Variants in IL1A observed in about 807,000 individuals in gnomAD.
IL1A encodes interleukin 1 alpha, also known as interleukin-1 alpha.
Under a neutral mutation model 22.2 loss-of-function variants are expected in IL1A, and 16 were observed. The ratio of observed to expected loss-of-function variants is 0.72; its 90% CI spans 0.49 to 1.09. The LOEUF is 1.09. Among genes scored for constraint, IL1A ranks in the 50% least tolerant of loss-of-function variants. IL1A has a pLI of 0.00. For missense variants in IL1A, 317 were observed against 321.8 expected (o/e 0.99, Z 0.11); for synonymous variants, 113 against 118.5 (o/e 0.95, Z 0.30).
At chr2:112,782,127 C>G (rs1681219770) in intron 3 of IL1A, among the ~76,000 whole-genome samples, 1 of 152,100 alleles carries the variant, frequency 6.6e-6, no homozygotes, top group South Asian at 2.1e-4. Flanking sequence ...CAATTAGTTC[C>G]CTCTCAGGAG....
At chr2:112,779,402 GTA>G in intron 5 of IL1A, 92 bp downstream of exon 5, 3 of 1,023,334 alleles carry the variant, frequency 2.9e-6, no homozygotes, top group South Asian at 1.8e-5. Context: ...CTCTGAAGAG[GTA>G]TGTTTTTTGC....
intron 6 of IL1A, 40 bp downstream of exon 6, chr2:112,777,947 G>A (rs2104907124): frequency 6.2e-7 from 1 of 1,607,478 alleles, no homozygotes; most frequent in East Asian, 2.2e-5. Context: ...AAACATATGA[G>A]ATGTAAATGA....
chr2:112,782,827 A>G, intron 2 of IL1A, 63 bp from the exon 3 acceptor site: 1 of 1,197,522 alleles, frequency 8.4e-7, no homozygotes, highest in Non-Finnish European at 1.2e-6. Flanking sequence ...TGGCCAATGT[A>G]CTTTAATGAC....
At chr2:112,782,285 T>G (rs1681223053) in intron 3 of IL1A, among the ~76,000 whole-genome samples, 1 of 152,236 alleles carries the variant, frequency 6.6e-6, no homozygotes, top group Non-Finnish European at 1.5e-5. Flanking sequence ...GATGAGTGGC[T>G]GTAGACTTCT....
At chr2:112,775,336 T>A in intron 6 of IL1A, 69 bp from the exon 7 acceptor site, 1 of 1,283,398 alleles carries the variant, frequency 7.8e-7, no homozygotes, top group Non-Finnish European at 1.1e-6. Context: ...CTCAATCCCT[T>A]AGCATTTGGC....
chr2:112,777,871 C>T, intron 6 of IL1A, 116 bp downstream of exon 6: 1 of 1,048,096 alleles, frequency 9.5e-7, no homozygotes, highest in Non-Finnish European at 1.4e-6. Context: ...CAGGTGGGGG[C>T]TGTGGTAGGA....
intron 6 of IL1A, among the ~76,000 whole-genome samples, chr2:112,777,375 T>G (rs543360665): frequency 6.6e-6 from 1 of 152,320 alleles, no homozygotes; most frequent in African/African-American, 2.4e-5. Context: ...TACTTGGGAA[T>G]AGAAGGTCTT....
At chr2:112,779,384 AC>A in intron 5 of IL1A, 111 bp downstream of exon 5, 1 of 862,164 alleles carries the variant, frequency 1.2e-6, no homozygotes, top group Non-Finnish European at 1.7e-6. Flanking sequence ...GAATTGTGCA[AC>A]CCAGAACTCT....
At chr2:112,783,698 C>T in intron 2 of IL1A, 26 bp downstream of exon 2, 1 of 1,599,798 alleles carries the variant, frequency 6.3e-7, no homozygotes, top group Non-Finnish European at 8.6e-7. Flanking sequence ...CTCATTAAAT[C>T]ACAAGAGATA....
intron 4 of IL1A, among the ~76,000 whole-genome samples, chr2:112,781,195 C>T (rs1217164273): frequency 6.6e-6 from 1 of 152,110 alleles, no homozygotes; most frequent in Non-Finnish European, 1.5e-5. Flanking sequence ...GACTCTTAAT[C>T]TTTACAGCAG....
At chr2:112,775,722 A>C (rs748444911) in intron 6 of IL1A, among the ~76,000 whole-genome samples, 2 of 152,172 alleles carry the variant, frequency 1.3e-5, no homozygotes, top group African/African-American at 4.8e-5. Flanking sequence ...CATTTATCTC[A>C]GTATTTAAGT....
chr2:112,779,536 C>T lies in IL1A; in HGVS notation c.450G>A (p.Gln150=). ...LNQSIIRAND[Q]YLTAAALHNL... is the part of the protein sequence containing the mutation. ...TATGTAATGCAGCAGCCGTGAGGTA[C>T]TGATCATTGGCTCGAATTATACTTT... is the stretch of plus-strand genomic sequence containing the variant. The change falls in exon 5 of 7, where the codon CAG becomes CAA. Residue 150 remains glutamine, a synonymous_variant. Transcript: ENST00000263339. 1 of 1,608,846 alleles carries T rather than the reference C, an allele frequency of 6.2e-7. No homozygotes were observed. The highest frequency in any genetic ancestry group is 8.5e-7 in the Non-Finnish European group (1 of 1,176,004).
chr2:112,781,821 G>T lies in IL1A; in HGVS notation c.102C>A (p.Ser34=), dbSNP rs777576010. The part of the protein sequence containing the change: ...SIDHLSLNQK[S]FYHVSYGPLH... ...GTGGGCCATAGCTTACATGATAGAAGGATTTCTGTGAGGAAGGAAAACAGA... is the reference window on the plus strand; with the variant it reads ...GTGGGCCATAGCTTACATGATAGAATGATTTCTGTGAGGAAGGAAAACAGA... Residue 34 remains serine (S), a synonymous_variant, in exon 4 of 7, where the codon TCC becomes TCA. Coordinates refer to ENST00000263339, the MANE Select transcript of IL1A (RefSeq NM_000575.5). 3.1e-6 allele frequency: 5 copies of T among 1,611,814 alleles called. No individual in the cohort carries two copies. Among genetic ancestry groups the T allele is most frequent in the Non-Finnish European group, 4.2e-6 (5 of 1,177,876 alleles).
chr2:112,784,450 G>A lies in IL1A; in HGVS notation c.-16C>T, dbSNP rs1558771650. 6.6e-6 allele frequency: 1 copy of A among 152,228 alleles called. No homozygotes were observed. The highest frequency in any genetic ancestry group is 1.5e-5 in the Non-Finnish European group (1 of 68,038). 9.4% of individuals were successfully genotyped at this position (152,228 alleles called of 1,614,324 possible). A position where few individuals can be genotyped will look rare whatever the true frequency, so the allele number is the denominator to read the frequency against. On this transcript the variant is annotated 5_prime_UTR_variant, in exon 1 of 7. Coordinates refer to ENST00000263339, the MANE Select transcript of IL1A (RefSeq NM_000575.5). ...GAGATGTGAGGACAATACCTTTGCT[G>A]ACTCAAACGCCAATGAAATGACTCC...
In IL1A at chr2:112,778,558, A is replaced by G. The variant is rs6718047; in HGVS notation, c.491-447T>C. Among the ~76,000 whole-genome samples, 903 of 152,318 alleles carry G rather than the reference A, an allele frequency of 5.9e-3. 6 individuals carry two copies. Among genetic ancestry groups the G allele is most frequent in the African/African-American group, 0.02 (835 of 41,564 alleles). ...GTTTTTACTTACAGAATAATGTTTA[A>G]TAAGAGCTGTCAAATTATTTGTGCC... On this transcript the variant is annotated intron_variant, in intron 5 of 6. Coordinates refer to ENST00000263339, the MANE Select transcript of IL1A (RefSeq NM_000575.5).
intron 2 of IL1A, among the ~76,000 whole-genome samples, chr2:112,783,383 A>G (rs1373367282): frequency 6.6e-6 from 1 of 152,200 alleles, no homozygotes; most frequent in Non-Finnish European, 1.5e-5. Context: ...AATGAGATCA[A>G]GTTTTCCTGA....
At position 112,780,003 on chromosome 2, in the gene IL1A, G is replaced by A. The variant is rs3783580; in HGVS notation, c.320-337C>T. On this transcript the variant is annotated intron_variant, in intron 4 of 6. Transcript: ENST00000263339. ...GTATTTCCCGTCTATGTTTTCAAAT[G>A]AATGCACTCTGAGAAAAAAAGAATG... is the stretch of plus-strand genomic sequence containing the variant. Among the ~76,000 whole-genome samples the A allele has an allele frequency of 2.1e-3, 281 of 131,780 alleles. 1 individual carries two copies. The highest frequency in any genetic ancestry group is 7.9e-3 in the African/African-American group (262 of 33,362). 86.5% of individuals were successfully genotyped at this position (131,780 alleles called of 152,430 possible).
chr2:112,781,669 C>G lies in IL1A; in HGVS notation c.254G>C (p.Arg85Pro). 1 of 1,614,212 alleles carries G rather than the reference C, an allele frequency of 6.2e-7. No homozygotes were observed. ...ATNGKVLKKR[R>P]LSLSQSITDD... ...AGTGATGGATTGGCTTAAACTCAAC[C>G]GTCTCTTCTTCAGAACCTTCCCGTT... Residue 85 changes from arginine (R) to proline (P), a missense_variant, in exon 4 of 7, where the codon CGG (arginine) becomes CCG (proline). Physicochemically the swap from Arg to Pro is moderately radical, Grantham distance 103 (BLOSUM62 -2). Coordinates refer to ENST00000263339, the MANE Select transcript of IL1A (RefSeq NM_000575.5).
intron 2 of IL1A, 113 bp downstream of exon 2, chr2:112,783,611 A>G (rs892650739): frequency 1.2e-6 from 1 of 841,390 alleles, no homozygotes; most frequent in African/African-American, 1.7e-5. Context: ...ACTAGTACAC[A>G]TCTCTACAAC....
Sources: allele counts gnomAD v4.1 joint callset (sites outside exome capture counted in the v4.1 genomes callset), GRCh38; gene constraint gnomAD v4.1.1; transcripts MANE v1.5; gene names NCBI Gene and HGNC (gene_info 2026-07-23, HGNC 2026-07-21).